The following PLEKHA5 variants were observed in gnomAD, a reference collection of about 807,000 sequenced individuals.
The protein encoded by PLEKHA5 is pleckstrin homology domain containing A5.
In PLEKHA5, 55 loss-of-function variants were observed where a neutral mutation model predicts 181.9. The ratio of observed to expected loss-of-function variants is 0.30; its 90% confidence interval spans 0.24 to 0.38. The LOEUF is 0.38. Ranked by LOEUF, PLEKHA5 falls within the 10% of genes least tolerant of loss-of-function variation. The probability of loss-of-function intolerance (pLI) is 1.00; values close to 1 mark genes in which losing one functional copy is unlikely to be tolerated. For synonymous variants in PLEKHA5, 535 were observed against 529.4 expected (o/e 1.01, Z -0.15); for missense variants, 1,432 against 1,549.5 (o/e 0.92, Z 1.27).
chr12:19,143,465 G>T (rs1167034859), intron 3 of PLEKHA5, among the ~76,000 whole-genome samples: 1 of 152,078 alleles, frequency 6.6e-6, no homozygotes, highest in East Asian at 1.9e-4. Flanking sequence ...ATACTAAGGA[G>T]TATAAAGATG....
chr12:19,313,531 A>G (rs924109362), intron 15 of PLEKHA5, among the ~76,000 whole-genome samples: 1 of 152,174 alleles, frequency 6.6e-6, no homozygotes, highest in East Asian at 1.9e-4. Flanking sequence ...TGATTGTTAC[A>G]TATGTGAATA....
At chr12:19,375,471 G>A (rs932819492) in intron 31 of PLEKHA5, 60 bp from the exon 32 acceptor site, 8 of 152,356 alleles carry the variant, frequency 5.3e-5, no homozygotes, top group Admixed American at 5.2e-4. Flanking sequence ...GTTACTTTGG[G>A]AAATGGTAAT....
intron 28 of PLEKHA5, 59 bp from the exon 29 acceptor site, chr12:19,361,523 A>C (rs990598078): frequency 2.2e-5 from 19 of 853,788 alleles, no homozygotes; most frequent in Non-Finnish European, 3.2e-5. Flanking sequence ...TATTTTAGAT[A>C]TGCTAATCTA....
At chr12:19,335,087 T>A (rs1348786609) in intron 20 of PLEKHA5, among the ~76,000 whole-genome samples, 1 of 144,514 alleles carries the variant, frequency 6.9e-6, no homozygotes, top group Non-Finnish European at 1.5e-5. Flanking sequence ...TGGAGTGCAG[T>A]AGCACAATTT....
chr12:19,322,516 A>G lies in PLEKHA5; in HGVS notation c.2299-2A>G. The G allele has an allele frequency of 1.2e-6, 2 of 1,613,612 alleles. No homozygotes were observed. Among genetic ancestry groups the G allele is most frequent in the Non-Finnish European group, 8.5e-7 (1 of 1,179,536 alleles). ...TAAGTGTAATTCTTTTTATCATAAT[A>G]GTACACGCTTGAGCAAGCTTTGCTA... is the stretch of plus-strand genomic sequence containing the variant. On this transcript the variant is annotated splice_acceptor_variant, in intron 19 of 31. Coordinates refer to ENST00000429027, the MANE Select transcript of PLEKHA5 (RefSeq NM_001256470.2). LOFTEE classifies it high-confidence loss of function.
Position 19,369,679 on chromosome 12 carries a change from T to G in PLEKHA5, c.3755-14T>G. ...AAGATTTTTATCTTCTCCCATTTTC[T>G]TTGTGTGTTTTAGTGAAAAGTCTGT... On this transcript the variant is annotated splice_polypyrimidine_tract_variant and intron_variant, in intron 30 of 31. Transcript: ENST00000429027. 1 of 1,546,386 alleles carries G rather than the reference T, an allele frequency of 6.5e-7. No individual in the cohort carries two copies. The highest frequency in any genetic ancestry group is 8.9e-7 in the Non-Finnish European group (1 of 1,128,086).
At position 19,257,489 on chromosome 12, in the gene PLEKHA5, A is replaced by G; in HGVS notation, c.489A>G (p.Lys163=). Residue 163 remains lysine (K), a synonymous_variant, in exon 6 of 32, where the codon AAA becomes AAG. Coordinates refer to ENST00000429027, the MANE Select transcript of PLEKHA5 (RefSeq NM_001256470.2). ...HNFGKRSNSI[K]RNPNAPVVRR... ...TTGGAAAGAGGTCAAATTCAATTAA[A>G]AGGAATCCTAATGCACCGGTTGTCA... 1 of 1,610,016 alleles carries G rather than the reference A, an allele frequency of 6.2e-7. No individual in the cohort carries two copies. Among genetic ancestry groups the G allele is most frequent in the Non-Finnish European group, 8.5e-7 (1 of 1,177,636 alleles).
At position 19,307,018 on chromosome 12, in the gene PLEKHA5, G is replaced by T. The variant is rs1295898890; in HGVS notation, c.2038-7796G>T. On this transcript the variant is annotated intron_variant, in intron 15 of 31. Coordinates refer to ENST00000429027, the MANE Select transcript of PLEKHA5 (RefSeq NM_001256470.2). ...GGCTGCTTTGGGGGCTCCTACTCTT[G>T]TTCCTGCCCTTGCTGCGCTTGGGCT... The T allele has an allele frequency of 2.7e-6, 4 of 1,494,630 alleles. No homozygotes were observed. In the African/African-American group the frequency reaches 5.6e-5, roughly 21 times the overall value. 92.6% of individuals were successfully genotyped at this position (1,494,630 alleles called of 1,614,324 possible).
chr12:19,281,907 A>G (rs1314856912), intron 11 of PLEKHA5, among the ~76,000 whole-genome samples: 2 of 151,720 alleles, frequency 1.3e-5, no homozygotes, highest in Admixed American at 1.3e-4. Flanking sequence ...TCAGCCTCCC[A>G]AGTAGCTGGG....
intron 3 of PLEKHA5, among the ~76,000 whole-genome samples, chr12:19,187,556 A>G (rs1219540004): frequency 2.0e-5 from 3 of 152,180 alleles, no homozygotes; most frequent in South Asian, 4.1e-4. Context: ...TAGTGATGCA[A>G]GAGAAAGCAA....
chr12:19,190,212 A>T, intron 3 of PLEKHA5, among the ~76,000 whole-genome samples: 1 of 152,188 alleles, frequency 6.6e-6, no homozygotes, highest in East Asian at 1.9e-4. Flanking sequence ...ATTTACTGGT[A>T]ATTATATTTT....
chr12:19,367,850 T>G (rs1267796970), intron 30 of PLEKHA5, among the ~76,000 whole-genome samples: 2 of 151,736 alleles, frequency 1.3e-5, no homozygotes, highest in Non-Finnish European at 2.9e-5. Flanking sequence ...CCTCCCAAAG[T>G]GCTGGGATTA....
intron 3 of PLEKHA5, among the ~76,000 whole-genome samples, chr12:19,180,340 C>T (rs963924828): frequency 6.6e-6 from 1 of 152,064 alleles, no homozygotes; most frequent in African/African-American, 2.4e-5. Flanking sequence ...GACTGTTTTG[C>T]AGGCCCAGCA....
At chr12:19,346,171 A>AT (rs1241780660) in intron 23 of PLEKHA5, among the ~76,000 whole-genome samples, 2 of 152,120 alleles carry the variant, frequency 1.3e-5, no homozygotes, top group African/African-American at 4.8e-5. Flanking sequence ...AATACTTATC[A>AT]TTGTTTCTTA....
chr12:19,200,702 C>G, intron 3 of PLEKHA5: 1 of 1,005,966 alleles, frequency 9.9e-7, no homozygotes, highest in Non-Finnish European at 1.2e-6. Flanking sequence ...TTCTGCTTTC[C>G]AAAACCAAGG....
Position 19,130,826 on chromosome 12 carries a change from C to G in PLEKHA5, c.169+696C>G, listed in dbSNP as rs1372322932. The G allele has an allele frequency of 2.0e-5, 3 of 152,308 alleles. No homozygotes were observed. The highest frequency in any genetic ancestry group is 2.9e-5 in the Non-Finnish European group (2 of 68,102). 9.4% of individuals were successfully genotyped at this position (152,308 alleles called of 1,614,324 possible). ...GAGGAGGCGTTCGCAGCCTCAGTTG[C>G]TGGCGATCCGGATCTAAAGTCCCCG... On this transcript the variant is annotated intron_variant, in intron 2 of 31. Coordinates refer to ENST00000429027, the MANE Select transcript of PLEKHA5 (RefSeq NM_001256470.2). The surrounding 1 kb of genome is among the most constrained non-coding windows in gnomAD (Gnocchi z 4.5).
At chr12:19,330,495 G>A (rs1325558864) in intron 20 of PLEKHA5, among the ~76,000 whole-genome samples, 1 of 152,050 alleles carries the variant, frequency 6.6e-6, no homozygotes, top group African/African-American at 2.4e-5. Flanking sequence ...TCATTAGATA[G>A]TGTAATGAGG....
intron 3 of PLEKHA5, among the ~76,000 whole-genome samples, chr12:19,171,281 C>G (rs184217807): frequency 6.6e-6 from 1 of 152,098 alleles, no homozygotes; most frequent in African/African-American, 2.4e-5. Flanking sequence ...GATGAAAGGA[C>G]TGAGGAAGAT....
At chr12:19,206,414 T>C (rs924599404) in intron 3 of PLEKHA5, among the ~76,000 whole-genome samples, 5 of 152,132 alleles carry the variant, frequency 3.3e-5, no homozygotes, top group African/African-American at 1.2e-4. Flanking sequence ...ATAGCATTAC[T>C]CTGCTAGAGA....
Sources: allele counts gnomAD v4.1 joint callset (sites outside exome capture counted in the v4.1 genomes callset), GRCh38; gene constraint gnomAD v4.1.1; non-coding constraint Gnocchi (gnomAD v3.1); transcripts MANE v1.5; gene names NCBI Gene and HGNC (gene_info 2026-07-23, HGNC 2026-07-21).